SYNE2: variants seen among roughly 807,000 people sequenced by gnomAD.
SYNE2 encodes the protein nesprin-2.
Under a neutral mutation model 856.3 loss-of-function variants are expected in SYNE2, and 431 were observed. The ratio of observed to expected loss-of-function variants is 0.50; its 90% CI spans 0.47 to 0.55. The LOEUF (loss-of-function observed/expected upper bound fraction) is 0.55. Among genes scored for constraint, SYNE2 ranks in the 20% least tolerant of loss-of-function variants. SYNE2 has a pLI of 0.00. For synonymous variants in SYNE2, 2,923 were observed against 2,872.3 expected (o/e 1.02, Z -0.56); for missense variants, 8,129 against 8,023.2 (o/e 1.01, Z -0.50).
At chr14:63,859,007 G>C (rs1385537928) in intron 1 of SYNE2, among the ~76,000 whole-genome samples, 1 of 152,130 alleles carries the variant, frequency 6.6e-6, no homozygotes, top group African/African-American at 2.4e-5. Context: ...TTTATGGTGT[G>C]AATATGGGTG....
chr14:64,007,012 C>T lies in SYNE2; in HGVS notation c.4398-31C>T, dbSNP rs746752087. The T allele has an allele frequency of 1.9e-6, 3 of 1,554,672 alleles. No homozygotes were observed. In the South Asian group the frequency reaches 3.4e-5, roughly 17 times the overall value. On this transcript the variant is annotated intron_variant, in intron 30 of 115. Coordinates refer to ENST00000555002, the MANE Select transcript of SYNE2 (RefSeq NM_182914.3). ...TGTTGAATCAATGGTTAACAGTTGG[C>T]TATCAAACTTTTTTCTCATTCATAA...
At chr14:63,838,124 C>A (rs548543234) in intron 1 of SYNE2, among the ~76,000 whole-genome samples, 1 of 152,106 alleles carries the variant, frequency 6.6e-6, no homozygotes, top group Non-Finnish European at 1.5e-5. Flanking sequence ...AATCCCAGCG[C>A]TTTGGGAGGC....
chr14:64,075,903 C>A, intron 53 of SYNE2, 42 bp from the exon 54 acceptor site: 5 of 1,608,540 alleles, frequency 3.1e-6, no homozygotes, highest in Non-Finnish European at 4.3e-6. Context: ...TTAAACTTTT[C>A]CCCCAGTCTC....
intron 32 of SYNE2, among the ~76,000 whole-genome samples, chr14:64,015,845 C>T (rs994796257): frequency 6.6e-6 from 1 of 152,006 alleles, no homozygotes; most frequent in Non-Finnish European, 1.5e-5. Flanking sequence ...TCCCTCTCAG[C>T]AATACTTTGA....
intron 99 of SYNE2, among the ~76,000 whole-genome samples, chr14:64,200,378 C>T (rs1345534651): frequency 6.6e-6 from 1 of 152,182 alleles, no homozygotes; most frequent in African/African-American, 2.4e-5. Context: ...GTGGCTGGGC[C>T]TCTTCTCCAG....
rs573098257 is a variant in SYNE2 at position 64,097,009 on chromosome 14, A to C, written c.12109-940A>C. On this transcript the variant is annotated intron_variant, in intron 61 of 115. Coordinates refer to ENST00000555002, the MANE Select transcript of SYNE2 (RefSeq NM_182914.3). Reference sequence around the variant, plus strand: ...AGTACTCACTTCAGGAGCTCAGGCAAGTTGAATGACATCTCTCAGAGGTGC... The same window carrying C: ...AGTACTCACTTCAGGAGCTCAGGCACGTTGAATGACATCTCTCAGAGGTGC... Among the ~76,000 whole-genome samples the C allele has an allele frequency of 3.3e-4, 50 of 152,322 alleles. 1 individual carries two copies. Among genetic ancestry groups the C allele is most frequent in the African/African-American group, 1.2e-3 (48 of 41,566 alleles).
intron 76 of SYNE2, among the ~76,000 whole-genome samples, chr14:64,131,152 G>A (rs1316836669): frequency 6.6e-6 from 1 of 152,124 alleles, no homozygotes; most frequent in Non-Finnish European, 1.5e-5. Flanking sequence ...GGTAAATATT[G>A]TATGAAGGAT....
intron 110 of SYNE2, 98 bp from the exon 111 acceptor site, chr14:64,220,339 G>C: frequency 7.4e-7 from 1 of 1,354,346 alleles, no homozygotes; most frequent in Non-Finnish European, 1.0e-6. Context: ...CCGCAGCTTG[G>C]AAAAGTGTGT....
chr14:63,952,645 G>A (rs1286100498), intron 7 of SYNE2, among the ~76,000 whole-genome samples: 9 of 152,186 alleles, frequency 5.9e-5, no homozygotes, highest in Non-Finnish European at 1.5e-5. Flanking sequence ...GTCATAGGTT[G>A]TTATATGCAT....
chr14:63,929,519 C>T (rs1465259585), intron 2 of SYNE2, among the ~76,000 whole-genome samples: 1 of 151,964 alleles, frequency 6.6e-6, no homozygotes, highest in African/African-American at 2.4e-5. Context: ...GCCTATAATC[C>T]CAGCACTTTG....
chr14:64,186,378 C>G, intron 96 of SYNE2, 46 bp from the exon 97 acceptor site: 2 of 1,612,804 alleles, frequency 1.2e-6, no homozygotes, highest in Non-Finnish European at 1.7e-6. Flanking sequence ...AAACAACAGC[C>G]GCTTGAGTTG....
chr14:64,112,265 T>C (rs2097816215), intron 65 of SYNE2, among the ~76,000 whole-genome samples: 1 of 152,260 alleles, frequency 6.6e-6, no homozygotes, highest in South Asian at 2.1e-4. Flanking sequence ...GTCACTTGGC[T>C]AGAATTACAT....
intron 19 of SYNE2, among the ~76,000 whole-genome samples, chr14:63,988,117 T>C (rs2096639538): frequency 6.6e-6 from 1 of 152,206 alleles, no homozygotes; most frequent in Non-Finnish European, 1.5e-5. Flanking sequence ...AGGGTTCTGC[T>C]CTGTCACCCA....
At chr14:63,869,482 C>T (rs564777667) in intron 1 of SYNE2, among the ~76,000 whole-genome samples, 102 of 151,508 alleles carry the variant, frequency 6.7e-4, no homozygotes, top group Non-Finnish European at 1.3e-3. Flanking sequence ...ATTAGCCGGG[C>T]GTGGTGGCGG....
intron 1 of SYNE2, among the ~76,000 whole-genome samples, chr14:63,837,602 A>G (rs1257792334): frequency 6.6e-6 from 1 of 152,130 alleles, no homozygotes; most frequent in Non-Finnish European, 1.5e-5. Context: ...CACAGTAAAA[A>G]CAAACAATTC....
chr14:64,021,254 G>A, intron 35 of SYNE2, 61 bp from the exon 36 acceptor site: 1 of 1,317,166 alleles, frequency 7.6e-7, no homozygotes, highest in East Asian at 2.3e-5. Context: ...TAGCAATGCA[G>A]TTGTCTTAAA....
intron 49 of SYNE2, among the ~76,000 whole-genome samples, chr14:64,058,388 T>A (rs1430434769): frequency 7.9e-5 from 12 of 152,216 alleles, no homozygotes; most frequent in Non-Finnish European, 5.9e-5. Flanking sequence ...TATCTTTCTA[T>A]AGGTTTGGGA....
intron 78 of SYNE2, among the ~76,000 whole-genome samples, chr14:64,135,568 G>A (rs971527505): frequency 6.6e-6 from 1 of 152,192 alleles, no homozygotes; most frequent in Non-Finnish European, 1.5e-5. Flanking sequence ...CATCTAAACA[G>A]CTGAAAGAAT....
chr14:63,807,836 TA>T (rs1368046420), intron 1 of SYNE2, among the ~76,000 whole-genome samples: 2 of 82,506 alleles, frequency 2.4e-5, no homozygotes, highest in African/African-American at 1.0e-4. Flanking sequence ...TATATATATA[TA>T]TATATATATA....
Sources: gnomAD v4.1 joint callset for allele counts (sites outside exome capture counted in the v4.1 genomes callset) on GRCh38, gnomAD v4.1.1 for gene constraint, MANE v1.5 for transcripts, NCBI Gene and HGNC (gene_info 2026-07-23, HGNC 2026-07-21) for gene names.